Variants in PIK3CB observed in about 807,000 individuals in gnomAD.
PIK3CB encodes phosphatidylinositol 4,5-bisphosphate 3-kinase catalytic subunit beta isoform.
PIK3CB carries 39 observed loss-of-function variants against 136.8 expected under a neutral mutation model. That is an observed-to-expected ratio of 0.29 (90% CI 0.22 to 0.37). PIK3CB has a LOEUF of 0.37. Ranked by LOEUF, PIK3CB falls within the 10% of genes least tolerant of loss-of-function variation. PIK3CB has a pLI of 1.00. For synonymous variants in PIK3CB, 428 were observed against 436.6 expected (o/e 0.98, Z 0.25); for missense variants, 868 against 1,275.4 (o/e 0.68, Z 4.87).
Position 138,698,993 on chromosome 3 carries a change from G to C in PIK3CB, c.1684C>G (p.Arg562Gly), listed in dbSNP as rs867609969. 6.2e-7 allele frequency: 1 copy of C among 1,606,886 alleles called. No individual in the cohort carries two copies. Among genetic ancestry groups the C allele is most frequent in the South Asian group, 1.1e-5 (1 of 90,310 alleles). The change falls in exon 13 of 24, where the codon CGA becomes GGA. Residue 562 changes from arginine (R) to glycine (G), a missense_variant. Coordinates refer to ENST00000674063, the MANE Select transcript of PIK3CB (RefSeq NM_006219.3). ...GGGAAAATCTCTCGGCAGTCTTGTC[G>C]CAAAGTCCAAATAAGATCCATTTCA... The part of the protein sequence containing the change: ...ENEMDLIWTL[R>G]QDCREIFPQS...
intron 2 of PIK3CB, among the ~76,000 whole-genome samples, chr3:138,784,810 C>T (rs1478979146): frequency 2.0e-5 from 3 of 152,232 alleles, no homozygotes; most frequent in Non-Finnish European, 4.4e-5. Context: ...CTGCCTTGGC[C>T]TCCCAAAGTG....
chr3:138,771,322 A>G (rs1184412436), intron 2 of PIK3CB, among the ~76,000 whole-genome samples: 4 of 148,856 alleles, frequency 2.7e-5, no homozygotes, highest in African/African-American at 9.9e-5. Flanking sequence ...TCCCGGGATC[A>G]TGCCATTCTC....
intron 4 of PIK3CB, among the ~76,000 whole-genome samples, chr3:138,748,091 T>C (rs1012948036): frequency 2.0e-5 from 3 of 151,900 alleles, no homozygotes; most frequent in Admixed American, 6.6e-5. Flanking sequence ...TAGTATAGTT[T>C]TGTTGAGAAA....
chr3:138,685,006 A>T, intron 16 of PIK3CB: 1 of 469,606 alleles, frequency 2.1e-6, no homozygotes, highest in Non-Finnish European at 3.7e-6. Flanking sequence ...TTATAGCATC[A>T]TTTTCAAACT....
chr3:138,714,776 C>T (rs1383548124), intron 8 of PIK3CB, 57 bp from the exon 9 acceptor site: 1 of 1,415,046 alleles, frequency 7.1e-7, no homozygotes, highest in African/African-American at 1.5e-5. Flanking sequence ...CCACGAAAAA[C>T]ATCTCTTTTT....
At chr3:138,733,211 CAATA>C in intron 8 of PIK3CB, 146 bp downstream of exon 8, 1 of 404,776 alleles carries the variant, frequency 2.5e-6, no homozygotes, top group East Asian at 3.7e-5. Flanking sequence ...CAAAAATTCT[CAATA>C]GTCTTATAAT....
chr3:138,739,343 C>G (rs901711613), intron 5 of PIK3CB, among the ~76,000 whole-genome samples: 1 of 151,904 alleles, frequency 6.6e-6, no homozygotes, highest in Non-Finnish European at 1.5e-5. Flanking sequence ...ACTTGGGAGG[C>G]TAGGCAGGAG....
At chr3:138,697,793 A>G (rs1392020694) in intron 13 of PIK3CB, among the ~76,000 whole-genome samples, 1 of 151,920 alleles carries the variant, frequency 6.6e-6, no homozygotes, top group African/African-American at 2.4e-5. Flanking sequence ...GTAGAGTGCA[A>G]TGGCATTTGG....
chr3:138,804,132 T>C (rs2046205355), intron 1 of PIK3CB, among the ~76,000 whole-genome samples: 1 of 151,880 alleles, frequency 6.6e-6, no homozygotes, highest in African/African-American at 2.4e-5. Context: ...ATAGCAAGAA[T>C]CCATCTCTAC....
At chr3:138,823,104 T>G (rs1045833920) in intron 1 of PIK3CB, among the ~76,000 whole-genome samples, 34 of 151,224 alleles carry the variant, frequency 2.2e-4, no homozygotes, top group African/African-American at 8.2e-4. Context: ...CAATTTGTAA[T>G]GGTTTATGAA....
intron 2 of PIK3CB, among the ~76,000 whole-genome samples, chr3:138,769,447 C>A (rs549076231): frequency 6.6e-6 from 1 of 152,204 alleles, no homozygotes; most frequent in East Asian, 1.9e-4. Flanking sequence ...GGAATGTAAA[C>A]CCAGTATAAC....
chr3:138,751,632 A>C (rs2045474109), intron 4 of PIK3CB, among the ~76,000 whole-genome samples: 1 of 152,132 alleles, frequency 6.6e-6, no homozygotes, highest in Admixed American at 6.6e-5. Context: ...ATATTTAAAA[A>C]GTACTGAGTG....
intron 10 of PIK3CB, among the ~76,000 whole-genome samples, chr3:138,711,976 T>G (rs1303697893): frequency 6.6e-6 from 1 of 151,540 alleles, no homozygotes; most frequent in Non-Finnish European, 1.5e-5. Context: ...AATAATAAAA[T>G]AAAATATAGG....
At chr3:138,785,154 C>A (rs2045965096) in intron 2 of PIK3CB, among the ~76,000 whole-genome samples, 2 of 150,902 alleles carry the variant, frequency 1.3e-5, no homozygotes, top group East Asian at 3.9e-4. Context: ...TGGGGGGCAG[C>A]CCCCGCCCGG....
chr3:138,711,174 GTTATTATA>G (rs1388198918), intron 10 of PIK3CB, among the ~76,000 whole-genome samples: 8 of 148,976 alleles, frequency 5.4e-5, no homozygotes, highest in Non-Finnish European at 1.2e-4. Context: ...AGCAACAAAG[GTTATTATA>G]AAGAAGACAC....
At chr3:138,676,730 G>T (rs2043652074) in intron 19 of PIK3CB, among the ~76,000 whole-genome samples, 1 of 152,106 alleles carries the variant, frequency 6.6e-6, no homozygotes, top group Non-Finnish European at 1.5e-5. Flanking sequence ...TACGCTTAGA[G>T]AAAGAAGCCA....
chr3:138,785,151 C>T (rs1275188738), intron 2 of PIK3CB, among the ~76,000 whole-genome samples: 4 of 149,784 alleles, frequency 2.7e-5, no homozygotes, highest in Non-Finnish European at 5.9e-5. Flanking sequence ...AGATGGGGGG[C>T]AGCCCCCGCC....
In PIK3CB at chr3:138,694,824, G is replaced by A. The variant is rs3729780; in HGVS notation, c.1854C>T (p.Tyr618=). The A allele has an allele frequency of 1.1e-3, 1,759 of 1,613,088 alleles. 17 individuals carry two copies. In the African/African-American group the frequency reaches 0.02, roughly 19 times the overall value. Residue 618 remains tyrosine, a synonymous_variant, in exon 14 of 24, where the codon TAC becomes TAT. Transcript: ENST00000674063. ...ELLDFNYPDQ[Y]VREYAVGCLR... The stretch of plus-strand genomic sequence containing the variant: ...GGCAGCCTACAGCATATTCTCGAAC[G>A]TACTGGTCTGGATAGTTGAAATCCA...
chr3:138,809,309 T>C (rs35214574), intron 1 of PIK3CB, among the ~76,000 whole-genome samples: 77,359 of 150,078 alleles, frequency 0.52, 22,289 homozygotes, highest in African/African-American at 0.75. Context: ...GTGAAAGATA[T>C]GATTAAGAAA....
Sources: allele counts gnomAD v4.1 joint callset (sites outside exome capture counted in the v4.1 genomes callset), GRCh38; gene constraint gnomAD v4.1.1; transcripts MANE v1.5; gene names NCBI Gene and HGNC (gene_info 2026-07-23, HGNC 2026-07-21).